The following WARS2 variants were observed in gnomAD, a reference collection of about 807,000 sequenced individuals.
The protein encoded by WARS2 is tryptophanyl tRNA synthetase 2, mitochondrial.
Under a neutral mutation model 36.5 loss-of-function variants are expected in WARS2, and 28 were observed. That is an observed-to-expected ratio of 0.77 (90% CI 0.57 to 1.05). The LOEUF (loss-of-function observed/expected upper bound fraction) is 1.05, where lower values mean the gene tolerates loss of function less well. Among genes scored for constraint, WARS2 ranks in the 50% least tolerant of loss-of-function variants. WARS2 has a pLI of 0.00. For missense variants in WARS2, 435 were observed against 456.8 expected (o/e 0.95, Z 0.44); for synonymous variants, 174 against 178.4 (o/e 0.98, Z 0.20).
intron 2 of WARS2, among the ~76,000 whole-genome samples, chr1:119,056,542 T>C (rs1649829633): frequency 6.8e-6 from 1 of 148,048 alleles, no homozygotes. Context: ...ATATAATATA[T>C]ATATATACTA....
intron 1 of WARS2, among the ~76,000 whole-genome samples, chr1:119,102,226 A>G (rs1027200025): frequency 3.9e-5 from 6 of 152,232 alleles, no homozygotes; most frequent in Non-Finnish European, 7.3e-5. Context: ...TCCCTTGAGA[A>G]GTCTATAGTC....
At chr1:119,109,788 C>CT (rs1654503983) in intron 1 of WARS2, among the ~76,000 whole-genome samples, 1 of 151,796 alleles carries the variant, frequency 6.6e-6, no homozygotes, top group Non-Finnish European at 1.5e-5. Context: ...GTCTTCCACA[C>CT]TTTTCTGCCT....
At chr1:119,103,870 C>T (rs899970065) in intron 1 of WARS2, among the ~76,000 whole-genome samples, 2 of 150,170 alleles carry the variant, frequency 1.3e-5, no homozygotes. Flanking sequence ...TTTCTACTTT[C>T]CTTTTTAATT....
At chr1:119,134,258 A>T (rs1656317703) in intron 1 of WARS2, among the ~76,000 whole-genome samples, 1 of 150,084 alleles carries the variant, frequency 6.7e-6, no homozygotes, top group South Asian at 2.1e-4. Flanking sequence ...TGGAAGTTGT[A>T]AGAATATCCA....
intron 1 of WARS2, among the ~76,000 whole-genome samples, chr1:119,133,561 A>G (rs1656256459): frequency 6.6e-6 from 1 of 152,216 alleles, no homozygotes; most frequent in Non-Finnish European, 1.5e-5. Flanking sequence ...AATAGCACCT[A>G]CCTTATTGAG....
intron 1 of WARS2, chr1:119,085,899 T>A: frequency 6.2e-7 from 1 of 1,610,594 alleles, no homozygotes; most frequent in Non-Finnish European, 8.5e-7. Flanking sequence ...CACCCCAAGC[T>A]GGACCTCTCG....
chr1:119,045,714 A>G, intron 2 of WARS2, 52 bp from the exon 3 acceptor site: 1 of 1,424,836 alleles, frequency 7.0e-7, no homozygotes, highest in Non-Finnish European at 9.7e-7. Flanking sequence ...TTTCTTGCAT[A>G]TAAGAAGAAC....
intron 2 of WARS2, among the ~76,000 whole-genome samples, chr1:119,070,811 A>T (rs1557959210): frequency 6.6e-6 from 1 of 152,092 alleles, no homozygotes; most frequent in Non-Finnish European, 1.5e-5. Context: ...AAATGATATG[A>T]TTATTTTCTT....
intron 1 of WARS2, among the ~76,000 whole-genome samples, chr1:119,078,064 G>A (rs1010264457): frequency 3.9e-5 from 6 of 152,120 alleles, no homozygotes; most frequent in East Asian, 1.9e-4. Context: ...GATGAGAGAC[G>A]TGAGGCTCAC....
intron 1 of WARS2, among the ~76,000 whole-genome samples, chr1:119,089,554 G>A (rs1294989355): frequency 6.6e-6 from 1 of 152,130 alleles, no homozygotes; most frequent in Non-Finnish European, 1.5e-5. Context: ...TATCTCAGAG[G>A]GTGGTTCGGA....
At chr1:119,085,141 G>C (rs587749280) in intron 1 of WARS2, 240 of 787,244 alleles carry the variant, frequency 3.0e-4, no homozygotes, top group Middle Eastern at 1.6e-3. Flanking sequence ...GGGCTAGAAA[G>C]TGTGCCTGAG....
At chr1:119,116,870 A>T (rs1365215581) in intron 1 of WARS2, among the ~76,000 whole-genome samples, 2 of 152,182 alleles carry the variant, frequency 1.3e-5, no homozygotes, top group Non-Finnish European at 1.5e-5. Flanking sequence ...ATTTCAACCG[A>T]GCACGAACTT....
intron 1 of WARS2, among the ~76,000 whole-genome samples, chr1:119,103,925 A>T (rs946987899): frequency 4.6e-5 from 7 of 150,606 alleles, no homozygotes; most frequent in Non-Finnish European, 1.0e-4. Flanking sequence ...AAAAATATAT[A>T]TTTTTTTCTT....
chr1:119,077,562 A>G (rs1436415413), intron 1 of WARS2, among the ~76,000 whole-genome samples: 1 of 152,166 alleles, frequency 6.6e-6, no homozygotes, highest in African/African-American at 2.4e-5. Context: ...ACTTCTTAAT[A>G]AGGTTATTTA....
intron 1 of WARS2, among the ~76,000 whole-genome samples, chr1:119,100,666 T>G (rs1055088661): frequency 3.3e-5 from 5 of 151,130 alleles, no homozygotes; most frequent in Non-Finnish European, 5.9e-5. Context: ...ACTGGGGGGG[T>G]TTTGTTTGTT....
At chr1:119,084,267 A>G (rs758140268) in intron 1 of WARS2, among the ~76,000 whole-genome samples, 2 of 151,912 alleles carry the variant, frequency 1.3e-5, no homozygotes, top group South Asian at 2.1e-4. Context: ...GTTGCTAGGG[A>G]TGGGGAGGAG....
At chr1:119,057,861 G>A (rs143279065) in intron 2 of WARS2, among the ~76,000 whole-genome samples, 1 of 152,210 alleles carries the variant, frequency 6.6e-6, no homozygotes, top group Non-Finnish European at 1.5e-5. Context: ...CTGGATAAAA[G>A]CCTTGCCAGA....
intron 2 of WARS2, among the ~76,000 whole-genome samples, chr1:119,075,971 TA>T (rs1651697208): frequency 6.6e-6 from 1 of 152,210 alleles, no homozygotes; most frequent in African/African-American, 2.4e-5. Context: ...TGGAATTACA[TA>T]AAACTATTGG....
intron 4 of WARS2, among the ~76,000 whole-genome samples, chr1:119,039,248 C>T (rs1441886427): frequency 1.3e-5 from 2 of 152,100 alleles, no homozygotes; most frequent in Non-Finnish European, 2.9e-5. Flanking sequence ...CTTTCCTTTC[C>T]CTCAAGGCCA....
Sources: gnomAD v4.1 joint callset for allele counts (sites outside exome capture counted in the v4.1 genomes callset) on GRCh38, gnomAD v4.1.1 for gene constraint, MANE v1.5 for transcripts, NCBI Gene and HGNC (gene_info 2026-07-23, HGNC 2026-07-21) for gene names.